The following TAFA4 variants were observed in gnomAD, a reference collection of about 807,000 sequenced individuals.
TAFA4 encodes the protein chemokine-like protein TAFA-4.
Under a neutral mutation model 21.1 loss-of-function variants are expected in TAFA4, and 20 were observed. The ratio of observed to expected loss-of-function variants is 0.95; its 90% CI spans 0.67 to 1.38. The LOEUF (loss-of-function observed/expected upper bound fraction) is 1.38, where lower values mean the gene tolerates loss of function less well. Ranked by LOEUF, TAFA4 falls within the 40% of genes most tolerant of loss-of-function variation. The pLI is 0.00. For synonymous variants in TAFA4, 71 were observed against 67.4 expected (o/e 1.05, Z -0.26); for missense variants, 211 against 180.9 (o/e 1.17, Z -0.95).
chr3:68,853,083 G>C (rs888412660), intron 3 of TAFA4, among the ~76,000 whole-genome samples: 2 of 152,082 alleles, frequency 1.3e-5, no homozygotes, highest in African/African-American at 4.8e-5. Context: ...TGAATCATTT[G>C]CAAGAACAGA....
intron 3 of TAFA4, among the ~76,000 whole-genome samples, chr3:68,866,678 A>AAAAAAT (rs2089424321): frequency 1.6e-5 from 2 of 123,748 alleles, no homozygotes; most frequent in Admixed American, 8.3e-5. Context: ...AAAAAAAAAA[A>AAAAAAT]CTCTGCAAAC....
intron 3 of TAFA4, among the ~76,000 whole-genome samples, chr3:68,820,469 A>G (rs1704089341): frequency 6.6e-6 from 1 of 152,066 alleles, no homozygotes; most frequent in South Asian, 2.1e-4. Context: ...TGAGACCAGG[A>G]GTTTGAGAGC....
At chr3:68,906,572 C>A (rs962838573) in intron 1 of TAFA4, among the ~76,000 whole-genome samples, 21 of 152,152 alleles carry the variant, frequency 1.4e-4, no homozygotes, top group Non-Finnish European at 1.0e-4. Context: ...GGGATTTAAA[C>A]CTGTGAGGGT....
chr3:68,853,031 G>C (rs573323920), intron 3 of TAFA4, among the ~76,000 whole-genome samples: 1 of 151,932 alleles, frequency 6.6e-6, no homozygotes, highest in African/African-American at 2.4e-5. Flanking sequence ...GAAAACTGAG[G>C]GTTCTTAAAC....
At chr3:68,788,313 C>T (rs1204193743) in intron 3 of TAFA4, among the ~76,000 whole-genome samples, 1 of 152,220 alleles carries the variant, frequency 6.6e-6, no homozygotes, top group Non-Finnish European at 1.5e-5. Context: ...GCTGCCCTCA[C>T]TGTCCCCTCA....
chr3:68,823,335 G>A (rs1025700952), intron 3 of TAFA4, among the ~76,000 whole-genome samples: 8 of 152,142 alleles, frequency 5.3e-5, no homozygotes, highest in Non-Finnish European at 1.0e-4. Flanking sequence ...AAAAGAAATC[G>A]AATACATTCT....
At chr3:68,793,855 A>G (rs1314309798) in intron 3 of TAFA4, among the ~76,000 whole-genome samples, 1 of 152,238 alleles carries the variant, frequency 6.6e-6, no homozygotes, top group Non-Finnish European at 1.5e-5. Flanking sequence ...CTGCCGGTCT[A>G]TATAATAACT....
rs1175655078 is a variant in TAFA4 at position 68,895,699 on chromosome 3, AT to A, written c.-122-10390del. Among the ~76,000 whole-genome samples, 6 of 150,598 alleles carry A rather than the reference AT, an allele frequency of 4.0e-5. No homozygotes were observed. In the East Asian group the frequency reaches 5.8e-4, roughly 15 times the overall value. On this transcript the variant is annotated intron_variant, in intron 1 of 5. Coordinates refer to ENST00000295569, the MANE Select transcript of TAFA4 (RefSeq NM_182522.5). ...CCTCTGCATGATTAATTCAACAAGG[AT>A]TTTTTTTTTAATCAACTCTCTGTGC... is the stretch of plus-strand genomic sequence containing the variant.
At chr3:68,736,903 C>T (rs376916366) in intron 5 of TAFA4, among the ~76,000 whole-genome samples, 2 of 151,472 alleles carry the variant, frequency 1.3e-5, no homozygotes, top group East Asian at 3.9e-4. Flanking sequence ...ATCATGATGG[C>T]TTGGGGAACT....
intron 3 of TAFA4, among the ~76,000 whole-genome samples, chr3:68,862,855 T>TCACACACA (rs145463746): frequency 0.15 from 22,537 of 148,420 alleles, 2,349 homozygotes; most frequent in African/African-American, 0.3. Flanking sequence ...AAAAGAATTT[T>TCACACACA]CACACACACA....
intron 5 of TAFA4, among the ~76,000 whole-genome samples, chr3:68,736,036 A>ATAGC (rs937434736): frequency 1.4e-4 from 21 of 152,150 alleles, no homozygotes; most frequent in East Asian, 1.2e-3. Flanking sequence ...CTCTAAAGAC[A>ATAGC]TAGCTTTTCA....
chr3:68,876,309 C>G (rs984520527), intron 3 of TAFA4, among the ~76,000 whole-genome samples: 1 of 152,150 alleles, frequency 6.6e-6, no homozygotes, highest in African/African-American at 2.4e-5. Context: ...TTGCCTACCC[C>G]CTAGTGTCAG....
intron 3 of TAFA4, among the ~76,000 whole-genome samples, chr3:68,774,625 C>T (rs1010470005): frequency 2.0e-5 from 3 of 152,144 alleles, no homozygotes; most frequent in Admixed American, 2.0e-4. Flanking sequence ...CAACTAGTAG[C>T]CACTTGGAAA....
intron 3 of TAFA4, among the ~76,000 whole-genome samples, chr3:68,794,753 C>T (rs1194771964): frequency 3.3e-5 from 5 of 152,076 alleles, no homozygotes; most frequent in Admixed American, 2.6e-4. Flanking sequence ...CCTCAGAAAG[C>T]ATGATGCAGC....
intron 5 of TAFA4, among the ~76,000 whole-genome samples, chr3:68,736,011 G>T (rs1702234965): frequency 6.6e-6 from 1 of 152,008 alleles, no homozygotes; most frequent in African/African-American, 2.4e-5. Context: ...AATTGTCTCT[G>T]GTTGAGAACT....
chr3:68,860,105 G>A (rs1351995311), intron 3 of TAFA4, among the ~76,000 whole-genome samples: 1 of 152,084 alleles, frequency 6.6e-6, no homozygotes, highest in Non-Finnish European at 1.5e-5. Context: ...CAATTTGACA[G>A]AGTCAATTTG....
At chr3:68,803,161 G>C (rs1466138487) in intron 3 of TAFA4, among the ~76,000 whole-genome samples, 1 of 151,958 alleles carries the variant, frequency 6.6e-6, no homozygotes, top group Non-Finnish European at 1.5e-5. Context: ...GTAGTTACCA[G>C]GCTTCAGTAA....
At chr3:68,778,520 G>T (rs980621716) in intron 3 of TAFA4, among the ~76,000 whole-genome samples, 2 of 152,174 alleles carry the variant, frequency 1.3e-5, no homozygotes, top group African/African-American at 4.8e-5. Flanking sequence ...TTATGGGAGG[G>T]ACCCAGTGGG....
intron 4 of TAFA4, among the ~76,000 whole-genome samples, chr3:68,740,136 A>T (rs1422040439): frequency 6.6e-6 from 1 of 152,172 alleles, no homozygotes; most frequent in Non-Finnish European, 1.5e-5. Flanking sequence ...CAGTTTCTTC[A>T]TTTGAAAAGT....
Sources: allele counts gnomAD v4.1 joint callset (sites outside exome capture counted in the v4.1 genomes callset), GRCh38; gene constraint gnomAD v4.1.1; transcripts MANE v1.5; gene names NCBI Gene and HGNC (gene_info 2026-07-23, HGNC 2026-07-21).